Variants in HERC4 observed in about 807,000 individuals in gnomAD.
HERC4 encodes probable E3 ubiquitin-protein ligase HERC4.
Under a neutral mutation model 124.3 loss-of-function variants are expected in HERC4, and 28 were observed. That is an observed-to-expected ratio of 0.23 (90% CI 0.17 to 0.31). The LOEUF is 0.31. HERC4 is among the 10% of genes least tolerant of loss of function. The pLI, the probability that HERC4 is intolerant of heterozygous loss-of-function variation, is 1.00. For synonymous variants in HERC4, 407 were observed against 421.5 expected (o/e 0.97, Z 0.42); for missense variants, 713 against 1,229.3 (o/e 0.58, Z 6.28).
intron 8 of HERC4, among the ~76,000 whole-genome samples, chr10:68,016,408 A>G (rs569871790): frequency 1.3e-5 from 2 of 152,266 alleles, no homozygotes; most frequent in South Asian, 4.2e-4. Context: ...GCTGGAGTGC[A>G]GTGGCGTGAT....
At chr10:68,041,898 A>G (rs1320728239) in intron 4 of HERC4, among the ~76,000 whole-genome samples, 1 of 152,246 alleles carries the variant, frequency 6.6e-6, no homozygotes, top group African/African-American at 2.4e-5. Flanking sequence ...AAACTGTTTC[A>G]GTTATATCCT....
At chr10:68,040,615 G>A (rs2133449703) in intron 4 of HERC4, 1 of 277,296 alleles carries the variant, frequency 3.6e-6, no homozygotes, top group Admixed American at 6.5e-5. Context: ...GAAAGGCTGG[G>A]CGTGGTGGCT....
Position 67,922,369 on chromosome 10 carries a change from G to A in HERC4, c.*562C>T, listed in dbSNP as rs1321916410. 6.6e-6 allele frequency: 1 copy of A among 152,138 alleles called. No individual in the cohort carries two copies. Among genetic ancestry groups the A allele is most frequent in the Non-Finnish European group, 1.5e-5 (1 of 68,016 alleles). The allele number at this position is 152,138 out of a possible 1,614,324, so 9.4% of individuals were successfully genotyped here. A position where few individuals can be genotyped will look rare whatever the true frequency, so the allele number is the denominator to read the frequency against. On this transcript the variant is annotated 3_prime_UTR_variant, in exon 25 of 25. Transcript: ENST00000373700. ...ATTCTAGCAAAAAAGAAAAGATAGTGTTTCCACCATGCTACCTTTTTTTTC... is the reference window on the plus strand; with the variant it reads ...ATTCTAGCAAAAAAGAAAAGATAGTATTTCCACCATGCTACCTTTTTTTTC...
In HERC4 at chr10:67,922,050, GCAT is replaced by G. The variant is rs1446813788; in HGVS notation, c.*878_*880del. On this transcript the variant is annotated 3_prime_UTR_variant, in exon 25 of 25. Coordinates refer to ENST00000373700, the MANE Select transcript of HERC4 (RefSeq NM_015601.4). ...CAATTTAATGGCATGAGACAACTAAGCATCAGCACCATAAAACTGTTAAGATTT... is the reference window on the plus strand; with the variant it reads ...CAATTTAATGGCATGAGACAACTAAGCAGCACCATAAAACTGTTAAGATTT... 6.6e-6 allele frequency: 1 copy of G among 152,092 alleles called. No homozygotes were observed. The highest frequency in any genetic ancestry group is 2.4e-5 in the African/African-American group (1 of 41,430). 9.4% of individuals were successfully genotyped at this position (152,092 alleles called of 1,614,324 possible).
At chr10:67,980,380 G>A (rs763119567) in intron 15 of HERC4, among the ~76,000 whole-genome samples, 5 of 151,998 alleles carry the variant, frequency 3.3e-5, no homozygotes, top group South Asian at 2.1e-4. Flanking sequence ...TGATACACCC[G>A]CGTCAGTCTC....
intron 7 of HERC4, among the ~76,000 whole-genome samples, chr10:68,028,764 C>T (rs532133191): frequency 7.9e-5 from 12 of 151,720 alleles, no homozygotes; most frequent in Non-Finnish European, 1.8e-4. Flanking sequence ...AGTTTTAGAT[C>T]TATCTCTTTT....
intron 24 of HERC4, 23 bp from the exon 25 acceptor site, chr10:67,923,162 G>C (rs1265978890): frequency 1.3e-6 from 2 of 1,581,796 alleles, no homozygotes; most frequent in South Asian, 2.2e-5. Flanking sequence ...AAATCATTCA[G>C]TCAACCACTT....
At chr10:67,993,097 C>T (rs2036638901) in intron 9 of HERC4, 1 of 153,092 alleles carries the variant, frequency 6.5e-6, no homozygotes, top group Admixed American at 6.5e-5. Context: ...GTAATCCCAG[C>T]ACTTTGGGAG....
chr10:67,996,736 G>A (rs528226306), intron 9 of HERC4, among the ~76,000 whole-genome samples: 1 of 152,188 alleles, frequency 6.6e-6, no homozygotes, highest in South Asian at 2.1e-4. Context: ...TGTAATCTCA[G>A]CACTTTGGGA....
At chr10:67,969,774 C>T (rs866764933) in intron 15 of HERC4, among the ~76,000 whole-genome samples, 5 of 152,020 alleles carry the variant, frequency 3.3e-5, no homozygotes, top group South Asian at 2.1e-4. Flanking sequence ...ACAAAAAAAT[C>T]GGAAGCAGAG....
In HERC4 at chr10:67,956,967, T is replaced by C. The variant is rs2034182651; in HGVS notation, c.1936A>G (p.Ile646Val). 4 of 1,562,512 alleles carry C rather than the reference T, an allele frequency of 2.6e-6. No homozygotes were observed. Among genetic ancestry groups the C allele is most frequent in the Non-Finnish European group, 2.6e-6 (3 of 1,155,784 alleles). ...QQQAYGMLAD[I>V]PVTICTYPFV... Reference sequence around the variant, plus strand: ...GGATATGTACAGATTGTAACAGGGATATCTGCCAACTGGAAATAAAAAATT... The same window carrying C: ...GGATATGTACAGATTGTAACAGGGACATCTGCCAACTGGAAATAAAAAATT... Residue 646 changes from isoleucine (I) to valine (V), a missense_variant, in exon 17 of 25, where the codon ATC becomes GTC. Transcript: ENST00000373700.
chr10:67,997,763 T>G (rs1193547200), intron 9 of HERC4, among the ~76,000 whole-genome samples: 1 of 152,206 alleles, frequency 6.6e-6, no homozygotes, highest in Non-Finnish European at 1.5e-5. Flanking sequence ...TAACATAAAT[T>G]TCCTCTTTTT....
intron 15 of HERC4, among the ~76,000 whole-genome samples, chr10:67,972,287 C>T (rs1471163925): frequency 1.1e-4 from 16 of 149,762 alleles, no homozygotes; most frequent in Admixed American, 8.0e-4. Context: ...TTTGGGAGGC[C>T]GAGGTGGGCA....
intron 15 of HERC4, among the ~76,000 whole-genome samples, chr10:67,981,945 A>G (rs1324023861): frequency 2.0e-5 from 3 of 152,194 alleles, no homozygotes; most frequent in African/African-American, 7.2e-5. Flanking sequence ...ACTCCATCTC[A>G]AAAGAAAAAA....
chr10:68,044,887 A>C (rs924727598), intron 3 of HERC4, among the ~76,000 whole-genome samples: 1 of 152,220 alleles, frequency 6.6e-6, no homozygotes, highest in Non-Finnish European at 1.5e-5. Context: ...CCTTCTATTC[A>C]AATCTATTAC....
At chr10:68,057,751 G>A (rs1250858903) in intron 3 of HERC4, among the ~76,000 whole-genome samples, 2 of 151,434 alleles carry the variant, frequency 1.3e-5, no homozygotes, top group African/African-American at 4.9e-5. Flanking sequence ...CTGTTGCCCA[G>A]GATAGAGTGC....
At chr10:67,994,269 A>G (rs1564522783) in intron 9 of HERC4, 1 of 152,178 alleles carries the variant, frequency 6.6e-6, no homozygotes, top group Non-Finnish European at 1.5e-5. Flanking sequence ...CATTTCCTCA[A>G]AAGATTTAGC....
chr10:67,972,082 T>C (rs1223798215), intron 15 of HERC4, among the ~76,000 whole-genome samples: 1 of 151,186 alleles, frequency 6.6e-6, no homozygotes, highest in Non-Finnish European at 1.5e-5. Flanking sequence ...AGTGTGGTGG[T>C]GGACACCTGT....
intron 4 of HERC4, chr10:68,039,642 G>A (rs2039661554): frequency 4.4e-6 from 6 of 1,362,998 alleles, no homozygotes; most frequent in South Asian, 1.9e-5. Flanking sequence ...CAAATTAGCA[G>A]GATCCAATGC....
Sources: gnomAD v4.1 joint callset for allele counts (sites outside exome capture counted in the v4.1 genomes callset) on GRCh38, gnomAD v4.1.1 for gene constraint, MANE v1.5 for transcripts, NCBI Gene and HGNC (gene_info 2026-07-23, HGNC 2026-07-21) for gene names.